Variants in AGO3 observed in about 807,000 individuals in gnomAD.
AGO3 encodes argonaute RISC catalytic component 3, also known as protein argonaute-3.
In AGO3, 16 loss-of-function variants were observed where a neutral mutation model predicts 105.5. That is an observed-to-expected ratio of 0.15 (90% CI 0.10 to 0.23). The LOEUF (loss-of-function observed/expected upper bound fraction) is 0.23. AGO3 is among the 10% of genes least tolerant of loss of function. The pLI, the probability that AGO3 is intolerant of heterozygous loss-of-function variation, is 1.00. For synonymous variants in AGO3, 340 were observed against 367.3 expected (o/e 0.93, Z 0.85); for missense variants, 534 against 1,088.0 (o/e 0.49, Z 7.16).
intron 6 of AGO3, among the ~76,000 whole-genome samples, chr1:36,005,278 A>G (rs1024655181): frequency 6.6e-6 from 1 of 151,894 alleles, no homozygotes; most frequent in Non-Finnish European, 1.5e-5. Context: ...TGAATGAAGC[A>G]TTTAAGTTTG....
chr1:36,053,774 C>CAG (rs1285229127), intron 17 of AGO3, among the ~76,000 whole-genome samples: 1,485 of 96,410 alleles, frequency 0.015, 25 homozygotes, highest in African/African-American at 0.053. Flanking sequence ...TTTTTTGAGA[C>CAG]AGTCTCGCTC....
At chr1:36,054,307 A>G (rs1387069387) in intron 17 of AGO3, among the ~76,000 whole-genome samples, 1 of 151,784 alleles carries the variant, frequency 6.6e-6, no homozygotes, top group Non-Finnish European at 1.5e-5. Flanking sequence ...AAGTTTCACT[A>G]TGTCACCCAG....
At chr1:36,043,022 T>C (rs927801852) in intron 16 of AGO3, among the ~76,000 whole-genome samples, 69 of 152,364 alleles carry the variant, frequency 4.5e-4, no homozygotes, top group African/African-American at 1.5e-3. Context: ...ATGGTGTGAC[T>C]GTTGTTGATC....
At chr1:36,022,728 T>G (rs569103362) in intron 11 of AGO3, among the ~76,000 whole-genome samples, 4 of 152,006 alleles carry the variant, frequency 2.6e-5, no homozygotes, top group African/African-American at 9.6e-5. Context: ...GGTCAGGAGT[T>G]CGAGACCAGC....
At chr1:36,049,625 A>T (rs1342738253) in intron 17 of AGO3, among the ~76,000 whole-genome samples, 2 of 152,118 alleles carry the variant, frequency 1.3e-5, no homozygotes, top group Non-Finnish European at 2.9e-5. Flanking sequence ...AAAATACTGA[A>T]TTTTTTAACA....
chr1:36,020,693 G>A (rs1389637144), intron 11 of AGO3, among the ~76,000 whole-genome samples: 1 of 152,012 alleles, frequency 6.6e-6, no homozygotes, highest in African/African-American at 2.4e-5. Flanking sequence ...TCGGCTCACT[G>A]CAACCTCCTC....
At chr1:35,937,938 G>C (rs942158152) in intron 1 of AGO3, among the ~76,000 whole-genome samples, 3 of 151,146 alleles carry the variant, frequency 2.0e-5, no homozygotes, top group Non-Finnish European at 4.4e-5. Context: ...CAGATTTTGA[G>C]ATCAACACAA....
At position 36,062,104 on chromosome 1, in the gene AGO3, T is replaced by A. The variant is rs995497005; in HGVS notation, c.*6359T>A. On this transcript the variant is annotated 3_prime_UTR_variant, in exon 19 of 19. Transcript: ENST00000373191. Reference sequence around the variant, plus strand: ...AACAAGATTATGGGTATAGTACCAATGTCCAAAGGGAAATGTAACTTGCCT... The same window carrying A: ...AACAAGATTATGGGTATAGTACCAAAGTCCAAAGGGAAATGTAACTTGCCT... 6 of 151,958 alleles carry A rather than the reference T, an allele frequency of 3.9e-5. No homozygotes were observed. The highest frequency in any genetic ancestry group is 8.8e-5 in the Non-Finnish European group (6 of 67,984). The allele number at this position is 151,958 out of a possible 1,614,324, so 9.4% of individuals were successfully genotyped here.
chr1:36,047,165 C>T (rs897228393), intron 17 of AGO3, among the ~76,000 whole-genome samples: 2 of 151,886 alleles, frequency 1.3e-5, no homozygotes, highest in Non-Finnish European at 2.9e-5. Flanking sequence ...ATTGCTTGAA[C>T]CTGGGAGGTG....
At position 36,067,913 on chromosome 1, in the gene AGO3, T is replaced by C. The variant is rs1344638277; in HGVS notation, c.*12168T>C. Reference sequence around the variant, plus strand: ...GGGGTAAATGACACTCTCAAAATACTTGGGAAAGAAGAATCACATGCCACA... The same window carrying C: ...GGGGTAAATGACACTCTCAAAATACCTGGGAAAGAAGAATCACATGCCACA... On this transcript the variant is annotated 3_prime_UTR_variant, in exon 19 of 19. Coordinates refer to ENST00000373191, the MANE Select transcript of AGO3 (RefSeq NM_024852.4). The C allele has an allele frequency of 6.6e-6, 1 of 152,158 alleles. No homozygotes were observed. The highest frequency in any genetic ancestry group is 2.4e-5 in the African/African-American group (1 of 41,438). 9.4% of individuals were successfully genotyped at this position (152,158 alleles called of 1,614,324 possible). A position where few individuals can be genotyped will look rare whatever the true frequency, so the allele number is the denominator to read the frequency against.
In AGO3 at chr1:36,035,771, G is replaced by A. The variant is rs542100773; in HGVS notation, c.1752-406G>A. Among the ~76,000 whole-genome samples, 23 of 152,274 alleles carry A rather than the reference G, an allele frequency of 1.5e-4. 1 individual carries two copies. The highest frequency in any genetic ancestry group is 6.8e-3 in the Middle Eastern group (2 of 294). On this transcript the variant is annotated intron_variant, in intron 13 of 18. Transcript: ENST00000373191. The stretch of plus-strand genomic sequence containing the variant: ...GGATTGGCCGGGTGCGGTGGCTCAC[G>A]CCTGTAATCCCAGCACTTTGGGAGG...
chr1:35,965,462 C>T (rs1646754960), intron 2 of AGO3, among the ~76,000 whole-genome samples: 1 of 140,696 alleles, frequency 7.1e-6, no homozygotes, highest in Admixed American at 7.5e-5. Context: ...TGCACTCCAT[C>T]CTGCGTGACA....
chr1:35,966,731 A>G (rs1299866042), intron 2 of AGO3, among the ~76,000 whole-genome samples: 2 of 152,156 alleles, frequency 1.3e-5, no homozygotes, highest in Non-Finnish European at 2.9e-5. Flanking sequence ...ATTAAGTAAT[A>G]TGCTCGCTTC....
At position 36,061,871 on chromosome 1, in the gene AGO3, T is replaced by G. The variant is rs1447395786; in HGVS notation, c.*6126T>G. The G allele has an allele frequency of 1.3e-5, 2 of 152,238 alleles. No homozygotes were observed. Among genetic ancestry groups the G allele is most frequent in the Non-Finnish European group, 2.9e-5 (2 of 68,052 alleles). The allele number at this position is 152,238 out of a possible 1,614,324, so 9.4% of individuals were successfully genotyped here. ...TTAGAACTCCAAGAGTGTGACAGTT[T>G]CATAAAAATAATGTTAGTTGTTGTC... On this transcript the variant is annotated 3_prime_UTR_variant, in exon 19 of 19. Transcript: ENST00000373191.
chr1:36,039,736 G>T, intron 14 of AGO3, 54 bp from the exon 15 acceptor site: 1 of 1,126,956 alleles, frequency 8.9e-7, no homozygotes, highest in Non-Finnish European at 1.2e-6. Flanking sequence ...ATGTAATTTT[G>T]ATTATCATTT....
Position 35,932,506 on chromosome 1 carries a change from T to A in AGO3, c.19+1061T>A, listed in dbSNP as rs74978788. 8.1e-3 allele frequency among the ~76,000 whole-genome samples: 1,233 copies of A among 151,668 alleles called. 16 individuals carry two copies. The highest frequency in any genetic ancestry group is 0.028 in the African/African-American group (1,157 of 41,434). ...GTTGAATAGATTACGTGTCAAATGG[T>A]TGCAAAAAAGCACTCAAACTGGGGA... On this transcript the variant is annotated intron_variant, in intron 1 of 18. Coordinates refer to ENST00000373191, the MANE Select transcript of AGO3 (RefSeq NM_024852.4).
chr1:36,024,350 T>TA (rs1369062352), intron 11 of AGO3, among the ~76,000 whole-genome samples: 3 of 152,116 alleles, frequency 2.0e-5, no homozygotes, highest in Non-Finnish European at 4.4e-5. Flanking sequence ...TTGCCTAGAC[T>TA]GGTCTCGAAC....
intron 1 of AGO3, among the ~76,000 whole-genome samples, chr1:35,933,372 G>A (rs1003231111): frequency 1.3e-5 from 2 of 152,052 alleles, no homozygotes; most frequent in African/African-American, 2.4e-5. Context: ...GCTGGGTGTG[G>A]TGGTTCATGC....
intron 1 of AGO3, among the ~76,000 whole-genome samples, chr1:35,932,185 A>G (rs150608809): frequency 6.6e-6 from 1 of 152,340 alleles, no homozygotes; most frequent in Non-Finnish European, 1.5e-5. Context: ...TGCAACATGG[A>G]TAGTACTTGT....
Sources: allele counts gnomAD v4.1 joint callset (sites outside exome capture counted in the v4.1 genomes callset), GRCh38; gene constraint gnomAD v4.1.1; transcripts MANE v1.5; gene names NCBI Gene and HGNC (gene_info 2026-07-23, HGNC 2026-07-21).